Variants in SNX25 observed in about 807,000 individuals in gnomAD.
The protein encoded by SNX25 is sorting nexin 25.
In SNX25, 62 loss-of-function variants were observed where a neutral mutation model predicts 113.7. The ratio of observed to expected loss-of-function variants is 0.55; its 90% CI spans 0.44 to 0.67. The LOEUF is 0.67. Among genes scored for constraint, SNX25 ranks in the 30% least tolerant of loss-of-function variants. The probability of loss-of-function intolerance (pLI) is 0.00; values close to 1 mark genes in which losing one functional copy is unlikely to be tolerated. For synonymous variants in SNX25, 421 were observed against 436.2 expected, an observed-to-expected ratio of 0.97 and a Z score of 0.43; for missense variants, 1,014 against 1,161.0, an observed-to-expected ratio of 0.87 and a Z score of 1.84.
chr4:185,362,600 T>C lies in SNX25; in HGVS notation c.2834-11T>C. The stretch of plus-strand genomic sequence containing the variant: ...TCAATAGCAGCATAGAATCTACACT[T>C]AATTTTTCAGATATGCTTCAGAGCC... On this transcript the variant is annotated splice_polypyrimidine_tract_variant and intron_variant, in intron 17 of 18. Transcript: ENST00000652585. 6.2e-7 allele frequency: 1 copy of C among 1,613,140 alleles called. No homozygotes were observed.
chr4:185,267,540 G>T (rs1188124475), intron 5 of SNX25, among the ~76,000 whole-genome samples: 3 of 151,924 alleles, frequency 2.0e-5, no homozygotes, highest in African/African-American at 7.3e-5. Context: ...AGACCAGCGC[G>T]GCCAACATGG....
At chr4:185,246,413 G>C (rs1223701949) in intron 1 of SNX25, among the ~76,000 whole-genome samples, 1 of 152,136 alleles carries the variant, frequency 6.6e-6, no homozygotes, top group Non-Finnish European at 1.5e-5. Context: ...ACATTAGATA[G>C]GTATGTCCTT....
chr4:185,225,118 C>CTTTTTTT (rs775220291), intron 1 of SNX25, among the ~76,000 whole-genome samples: 1 of 132,100 alleles, frequency 7.6e-6, no homozygotes, highest in Non-Finnish European at 1.6e-5. Flanking sequence ...TCTATGTCTT[C>CTTTTTTT]TTTTTTTTTT....
chr4:185,353,980 G>GTT (rs1293549564), intron 15 of SNX25, among the ~76,000 whole-genome samples: 1 of 151,296 alleles, frequency 6.6e-6, no homozygotes, highest in Admixed American at 6.6e-5. Flanking sequence ...GGAGGTGGAG[G>GTT]TTGCAGTGAG....
intron 3 of SNX25, among the ~76,000 whole-genome samples, chr4:185,259,912 T>G (rs180972763): frequency 6.2e-4 from 94 of 152,162 alleles, no homozygotes; most frequent in African/African-American, 2.1e-3. Flanking sequence ...CAGGTCTCCA[T>G]TCCCAGCTGT....
chr4:185,239,282 G>T (rs932541298), intron 1 of SNX25, among the ~76,000 whole-genome samples: 2 of 151,714 alleles, frequency 1.3e-5, no homozygotes, highest in Non-Finnish European at 2.9e-5. Context: ...AGGAGATCGA[G>T]ACCATCCTGG....
At chr4:185,328,754 C>T (rs2095173729) in intron 9 of SNX25, among the ~76,000 whole-genome samples, 1 of 152,096 alleles carries the variant, frequency 6.6e-6, no homozygotes, top group South Asian at 2.1e-4. Flanking sequence ...GGGACATGAA[C>T]GCGAGCAGTG....
At chr4:185,377,244 G>C in the SNX25 span, 3 of 469,534 alleles carry the variant, frequency 6.4e-6, no homozygotes, top group Non-Finnish European at 1.2e-5. Context: ...CTGGCCGGGC[G>C]CGGTGGCTCA....
At chr4:185,330,482 T>A (rs189678595) in intron 9 of SNX25, among the ~76,000 whole-genome samples, 1 of 152,328 alleles carries the variant, frequency 6.6e-6, no homozygotes, top group East Asian at 1.9e-4. Flanking sequence ...ATGGCGATGC[T>A]CCTGCTCTGT....
At chr4:185,248,057 A>G (rs1230849692) in intron 2 of SNX25, among the ~76,000 whole-genome samples, 1 of 152,190 alleles carries the variant, frequency 6.6e-6, no homozygotes, top group Non-Finnish European at 1.5e-5. Context: ...AGAGAGCTGA[A>G]CAAGTGATAT....
rs1313316202 is a variant in SNX25 at position 185,209,783 on chromosome 4, G to T, written c.-44G>T. The stretch of plus-strand genomic sequence containing the variant: ...GCCTCCGGAGCGCCGGCGGGGGACC[G>T]GGGGGCAGGAGATGTGCCTGTCCTT... On this transcript the variant is annotated 5_prime_UTR_variant, in exon 1 of 19. Transcript: ENST00000652585. This position sits in a 1 kb window ranked among gnomAD's most constrained non-coding sequence, Gnocchi z 5.2. 2.0e-6 allele frequency: 2 copies of T among 983,666 alleles called. No homozygotes were observed. Among genetic ancestry groups the T allele is most frequent in the East Asian group, 1.1e-4 (1 of 8,772 alleles). The allele number at this position is 983,666 out of a possible 1,614,324, so 60.9% of individuals were successfully genotyped here. A position where few individuals can be genotyped will look rare whatever the true frequency, so the allele number is the denominator to read the frequency against.
intron 6 of SNX25, among the ~76,000 whole-genome samples, chr4:185,302,805 G>C (rs1407373974): frequency 1.3e-5 from 2 of 152,188 alleles, no homozygotes; most frequent in South Asian, 2.1e-4. Context: ...TGCCCCAAGG[G>C]CTCTTGCGAG....
At chr4:185,319,117 G>C (rs1484494056) in intron 7 of SNX25, among the ~76,000 whole-genome samples, 1 of 139,916 alleles carries the variant, frequency 7.1e-6, no homozygotes, top group Non-Finnish European at 1.5e-5. Context: ...TTTTTTTAAA[G>C]GACATATCAT....
downstream of SNX25, among the ~76,000 whole-genome samples, chr4:185,368,500 C>T (rs73873431): frequency 0.029 from 4,347 of 152,310 alleles, 90 homozygotes; most frequent in South Asian, 0.062. Context: ...CTGCGGGACA[C>T]TGCCGGTCCA....
chr4:185,255,771 G>A (rs547658624), intron 2 of SNX25, among the ~76,000 whole-genome samples: 65 of 152,282 alleles, frequency 4.3e-4, no homozygotes, highest in Non-Finnish European at 5.6e-4. Context: ...CTACCTCTTT[G>A]AGCAAGTTAC....
chr4:185,204,795 A>G (rs1234456052), upstream of SNX25, among the ~76,000 whole-genome samples: 1 of 152,240 alleles, frequency 6.6e-6, no homozygotes, highest in East Asian at 1.9e-4. Flanking sequence ...GTCAGAGGCA[A>G]TGAGCCAAGG....
At chr4:185,235,157 C>T (rs961951884) in intron 1 of SNX25, among the ~76,000 whole-genome samples, 2 of 152,238 alleles carry the variant, frequency 1.3e-5, no homozygotes, top group Admixed American at 6.5e-5. Context: ...CAGAATCATA[C>T]ATTTGATGCA....
At chr4:185,212,624 C>T (rs540009153) in intron 1 of SNX25, among the ~76,000 whole-genome samples, 16 of 151,778 alleles carry the variant, frequency 1.1e-4, no homozygotes, top group Non-Finnish European at 1.6e-4. Flanking sequence ...GAATTATCGG[C>T]GTGAGCCACC....
At chr4:185,290,726 T>C (rs557016941) in intron 6 of SNX25, among the ~76,000 whole-genome samples, 1 of 148,958 alleles carries the variant, frequency 6.7e-6, no homozygotes, top group South Asian at 2.3e-4. Flanking sequence ...AACTGAAGTG[T>C]TTGGTTTATT....
Sources: gnomAD v4.1 joint callset for allele counts (sites outside exome capture counted in the v4.1 genomes callset) on GRCh38, gnomAD v4.1.1 for gene constraint, Gnocchi (gnomAD v3.1) non-coding constraint, MANE v1.5 for transcripts, NCBI Gene and HGNC (gene_info 2026-07-23, HGNC 2026-07-21) for gene names.